HPSE2: variants seen among roughly 807,000 people sequenced by gnomAD.
HPSE2 encodes the protein heparanase 2 (inactive).
A neutral mutation model predicts 60.5 loss-of-function variants in HPSE2; 38 were observed. The ratio of observed to expected loss-of-function variants is 0.63; its 90% confidence interval spans 0.48 to 0.82. The LOEUF is 0.82. Among genes scored for constraint, HPSE2 ranks in the 40% least tolerant of loss-of-function variants. HPSE2 has a pLI of 0.00. For missense variants in HPSE2, 713 were observed against 740.4 expected (o/e 0.96, Z 0.43); for synonymous variants, 295 against 293.2 (o/e 1.01, Z -0.06).
chr10:98,971,292 T>C (rs780302589), intron 3 of HPSE2, among the ~76,000 whole-genome samples: 1 of 152,202 alleles, frequency 6.6e-6, no homozygotes, highest in African/African-American at 2.4e-5. Context: ...GTTGTTGTTA[T>C]GACATTGTTA....
chr10:98,694,666 T>C (rs935261879), intron 5 of HPSE2, among the ~76,000 whole-genome samples: 3 of 152,162 alleles, frequency 2.0e-5, no homozygotes, highest in Non-Finnish European at 4.4e-5. Flanking sequence ...GGAAAATCAA[T>C]AGGCCAAGAA....
At chr10:98,732,174 G>A (rs963651223) in intron 4 of HPSE2, among the ~76,000 whole-genome samples, 1 of 152,086 alleles carries the variant, frequency 6.6e-6, no homozygotes, top group African/African-American at 2.4e-5. Context: ...GCTCGTGATA[G>A]GAAGATTTTG....
At chr10:98,604,350 G>T (rs763932061) in intron 9 of HPSE2, among the ~76,000 whole-genome samples, 22 of 151,608 alleles carry the variant, frequency 1.5e-4, no homozygotes, top group Non-Finnish European at 2.2e-4. Context: ...TAACACAAAT[G>T]AAGAATGCCC....
chr10:99,099,943 A>G (rs777745480), intron 3 of HPSE2, among the ~76,000 whole-genome samples: 5 of 152,178 alleles, frequency 3.3e-5, no homozygotes, highest in Non-Finnish European at 4.4e-5. Flanking sequence ...TGACTATTAG[A>G]ATGAAAACTA....
At chr10:98,860,945 C>A (rs999655695) in intron 3 of HPSE2, among the ~76,000 whole-genome samples, 1 of 152,110 alleles carries the variant, frequency 6.6e-6, no homozygotes, top group South Asian at 2.1e-4. Context: ...GAATTTTAAG[C>A]TCATTCAGGG....
At chr10:98,825,656 T>C (rs1020302705) in intron 3 of HPSE2, among the ~76,000 whole-genome samples, 3 of 151,892 alleles carry the variant, frequency 2.0e-5, no homozygotes, top group African/African-American at 7.3e-5. Flanking sequence ...GAAACCTAAT[T>C]GGTGTAAGTT....
intron 3 of HPSE2, among the ~76,000 whole-genome samples, chr10:98,857,564 G>A (rs1952347828): frequency 6.6e-6 from 1 of 151,960 alleles, no homozygotes; most frequent in Non-Finnish European, 1.5e-5. Context: ...AATACAGAAT[G>A]GTAAACACGT....
At chr10:99,190,375 C>T (rs1259722405) in intron 2 of HPSE2, among the ~76,000 whole-genome samples, 4 of 152,110 alleles carry the variant, frequency 2.6e-5, no homozygotes, top group African/African-American at 9.7e-5. Flanking sequence ...ATGAAAGAAT[C>T]TGTTACATAG....
intron 2 of HPSE2, among the ~76,000 whole-genome samples, chr10:99,152,050 A>C (rs1387628490): frequency 6.6e-6 from 1 of 152,134 alleles, no homozygotes; most frequent in African/African-American, 2.4e-5. Flanking sequence ...ACTGTGGCTC[A>C]TGCCTGTAAT....
chr10:98,940,460 C>T lies in HPSE2; in HGVS notation c.611-196404G>A, dbSNP rs371805583. ...TCAGAGAATACTACAAACACCTCTA[C>T]GCAAATAAACTAGAAAATCTAGAAG... On this transcript the variant is annotated intron_variant, in intron 3 of 11. Transcript: ENST00000370552. Among the ~76,000 whole-genome samples, 152 of 142,816 alleles carry T rather than the reference C, an allele frequency of 1.1e-3. 13 individuals are homozygous for T. Among genetic ancestry groups the T allele is most frequent in the African/African-American group, 1.9e-3 (66 of 35,170 alleles). 93.7% of individuals were successfully genotyped at this position (142,816 alleles called of 152,430 possible). A position where few individuals can be genotyped will look rare whatever the true frequency, so the allele number is the denominator to read the frequency against.
intron 11 of HPSE2, among the ~76,000 whole-genome samples, chr10:98,475,577 T>C (rs1940975232): frequency 6.6e-6 from 1 of 151,202 alleles, no homozygotes; most frequent in Non-Finnish European, 1.5e-5. Context: ...TGTTGGCATC[T>C]TTCCCTCTGA....
At chr10:98,888,335 A>G (rs1953232236) in intron 3 of HPSE2, among the ~76,000 whole-genome samples, 1 of 151,814 alleles carries the variant, frequency 6.6e-6, no homozygotes, top group South Asian at 2.1e-4. Context: ...GGGTCACTAT[A>G]AAGAAATCAT....
chr10:98,970,493 A>G (rs781628151), intron 3 of HPSE2, among the ~76,000 whole-genome samples: 1 of 152,198 alleles, frequency 6.6e-6, no homozygotes, highest in Non-Finnish European at 1.5e-5. Flanking sequence ...TAATTATGGA[A>G]ACGTCTTTGC....
rs562239132 is a variant in HPSE2 at position 98,669,532 on chromosome 10, A to G, written c.1004+24368T>C. 3.9e-4 allele frequency among the ~76,000 whole-genome samples: 60 copies of G among 152,378 alleles called. 2 individuals are homozygous for G. Among genetic ancestry groups the G allele is most frequent in the Non-Finnish European group, 1.8e-4 (12 of 68,040 alleles). ...GATAAAGAAAATTTGGTACATATAC[A>G]GCATGAAATACTATGCAGCCATAAA... On this transcript the variant is annotated intron_variant, in intron 6 of 11. Coordinates refer to ENST00000370552, the MANE Select transcript of HPSE2 (RefSeq NM_021828.5).
intron 3 of HPSE2, among the ~76,000 whole-genome samples, chr10:98,996,668 C>T (rs1956648470): frequency 6.6e-6 from 1 of 152,084 alleles, no homozygotes; most frequent in Non-Finnish European, 1.5e-5. Flanking sequence ...TTTAATGGAA[C>T]AGTACTCAGC....
chr10:98,494,259 A>G (rs1252838), intron 9 of HPSE2, among the ~76,000 whole-genome samples: 13,391 of 152,202 alleles, frequency 0.088, 1,871 homozygotes, highest in African/African-American at 0.3. Flanking sequence ...AACCTGACGC[A>G]TCCACCCTAC....
intron 2 of HPSE2, among the ~76,000 whole-genome samples, chr10:99,220,853 A>C (rs1361314190): frequency 3.4e-5 from 3 of 87,448 alleles, no homozygotes; most frequent in Admixed American, 1.7e-4. Context: ...GGAGGCTTTC[A>C]CTTTTTTTTT....
At chr10:99,257,056 A>T in the HPSE2 span, among the ~76,000 whole-genome samples, 1 of 152,190 alleles carries the variant, frequency 6.6e-6, no homozygotes, top group South Asian at 2.1e-4. Context: ...GATTTCATGG[A>T]CATTTATCAC....
chr10:99,176,388 G>A (rs1314553858), intron 2 of HPSE2, among the ~76,000 whole-genome samples: 3 of 152,016 alleles, frequency 2.0e-5, no homozygotes, highest in African/African-American at 2.4e-5. Context: ...AAGGTTAGAC[G>A]AATTGCTAAC....
Sources: allele counts gnomAD v4.1 joint callset (sites outside exome capture counted in the v4.1 genomes callset), GRCh38; gene constraint gnomAD v4.1.1; transcripts MANE v1.5; gene names NCBI Gene and HGNC (gene_info 2026-07-23, HGNC 2026-07-21).